The following SPECC1 variants were observed in gnomAD, a reference collection of about 807,000 sequenced individuals.
SPECC1 encodes cytospin-B.
SPECC1 carries 62 observed loss-of-function variants against 104.1 expected under a neutral mutation model. The observed-to-expected ratio is 0.60, with a 90% confidence interval of 0.49 to 0.74. The LOEUF is 0.74. SPECC1 is among the 30% of genes least tolerant of loss of function. SPECC1 has a pLI of 0.00. For synonymous variants in SPECC1, 513 were observed against 501.6 expected (o/e 1.02, Z -0.30); for missense variants, 1,306 against 1,310.5 (o/e 1.00, Z 0.05).
chr17:20,298,970 TGTATGTAGAGAG>T (rs1261218469), intron 13 of SPECC1, among the ~76,000 whole-genome samples: 1,053 of 91,404 alleles, frequency 0.012, 71 homozygotes, highest in African/African-American at 0.043. Flanking sequence ...TGTGTGTGTG[TGTATGTAGAGAG>T]AGAGAGAGAG....
chr17:20,082,457 G>A (rs1235707885), intron 1 of SPECC1, among the ~76,000 whole-genome samples: 3 of 152,196 alleles, frequency 2.0e-5, no homozygotes, highest in African/African-American at 7.2e-5. Context: ...AAATTAGCCA[G>A]GCGTGGTGGT....
intron 1 of SPECC1, among the ~76,000 whole-genome samples, chr17:20,089,561 G>A (rs147761369): frequency 1.7e-3 from 260 of 152,300 alleles, no homozygotes; most frequent in Middle Eastern, 6.8e-3. Context: ...AGGGGGTCGA[G>A]GCTGTAGTGA....
chr17:20,208,166 A>T (rs972844946), intron 4 of SPECC1, among the ~76,000 whole-genome samples: 2 of 152,254 alleles, frequency 1.3e-5, no homozygotes, highest in African/African-American at 4.8e-5. Context: ...TGTATCCTAC[A>T]TCTTACTGCA....
At chr17:20,227,007 C>G (rs1045264700) in intron 4 of SPECC1, among the ~76,000 whole-genome samples, 20 of 110,848 alleles carry the variant, frequency 1.8e-4, no homozygotes, top group African/African-American at 7.0e-4. Flanking sequence ...GCCAGTGCCT[C>G]CCAGGGAAGC....
At chr17:20,166,857 CAACACTTTG>C (rs1240767055) in intron 3 of SPECC1, among the ~76,000 whole-genome samples, 10 of 151,912 alleles carry the variant, frequency 6.6e-5, no homozygotes, top group African/African-American at 2.2e-4. Context: ...TGGCAAATGT[CAACACTTTG>C]GGAGGCTGAG....
At chr17:20,093,424 C>T (rs1426914472) in intron 1 of SPECC1, among the ~76,000 whole-genome samples, 2 of 152,136 alleles carry the variant, frequency 1.3e-5, no homozygotes, top group Non-Finnish European at 2.9e-5. Context: ...ACCCTTACCT[C>T]GTAGGGTTAC....
At chr17:20,225,177 C>T (rs772880562) in intron 4 of SPECC1, among the ~76,000 whole-genome samples, 4 of 152,160 alleles carry the variant, frequency 2.6e-5, no homozygotes, top group Non-Finnish European at 5.9e-5. Context: ...AAGACAAAGT[C>T]CTCTTTACTC....
chr17:20,286,922 G>A (rs1223442021), intron 12 of SPECC1, among the ~76,000 whole-genome samples: 3 of 152,186 alleles, frequency 2.0e-5, no homozygotes, highest in Admixed American at 6.5e-5. Flanking sequence ...GGCCCCCAGG[G>A]CCCAGGCTGC....
At chr17:20,029,863 A>T (rs530391386) in intron 1 of SPECC1, among the ~76,000 whole-genome samples, 1 of 151,822 alleles carries the variant, frequency 6.6e-6, no homozygotes, top group Non-Finnish European at 1.5e-5. Context: ...TTTTGGTTTT[A>T]TTTATTTTTT....
At chr17:20,043,476 C>T (rs1295870836) in intron 1 of SPECC1, among the ~76,000 whole-genome samples, 1 of 152,210 alleles carries the variant, frequency 6.6e-6, no homozygotes, top group African/African-American at 2.4e-5. Context: ...TTATCCAAAG[C>T]CACATCCTTT....
intron 1 of SPECC1, among the ~76,000 whole-genome samples, chr17:20,055,088 T>G (rs533666483): frequency 2.2e-4 from 34 of 152,200 alleles, no homozygotes; most frequent in Non-Finnish European, 4.3e-4. Context: ...TAACTCCTCG[T>G]TTCCCGCCCT....
intron 1 of SPECC1, among the ~76,000 whole-genome samples, chr17:20,021,396 G>T (rs751319710): frequency 6.6e-6 from 1 of 151,914 alleles, no homozygotes; most frequent in East Asian, 1.9e-4. Context: ...GGTGATTCTG[G>T]TCTTAATATC....
intron 12 of SPECC1, among the ~76,000 whole-genome samples, chr17:20,265,239 C>T (rs2040179709): frequency 6.6e-6 from 1 of 152,142 alleles, no homozygotes; most frequent in African/African-American, 2.4e-5. Flanking sequence ...AGTGTATAAG[C>T]ATTTCTTTTT....
intron 4 of SPECC1, among the ~76,000 whole-genome samples, chr17:20,226,242 A>G (rs2038196623): frequency 6.6e-6 from 1 of 152,250 alleles, no homozygotes; most frequent in Non-Finnish European, 1.5e-5. Flanking sequence ...AATACTATGC[A>G]CCAATTAAAG....
chr17:20,264,268 G>C (rs2040135161), intron 12 of SPECC1, among the ~76,000 whole-genome samples: 1 of 151,940 alleles, frequency 6.6e-6, no homozygotes. Context: ...GATTCAGGGG[G>C]TGAGTGGGCA....
intron 3 of SPECC1, among the ~76,000 whole-genome samples, chr17:20,191,264 A>G (rs949239112): frequency 1.8e-4 from 27 of 152,292 alleles, no homozygotes; most frequent in African/African-American, 6.3e-4. Flanking sequence ...TTGCTGGATC[A>G]TAGAGAACAA....
intron 1 of SPECC1, among the ~76,000 whole-genome samples, chr17:20,014,410 T>C (rs932929599): frequency 5.5e-4 from 83 of 152,232 alleles, no homozygotes; most frequent in Admixed American, 1.0e-3. Context: ...ATTTTTCTGA[T>C]TATTTACTCA....
At chr17:20,292,771 C>G (rs2041215601) in intron 12 of SPECC1, among the ~76,000 whole-genome samples, 1 of 152,242 alleles carries the variant, frequency 6.6e-6, no homozygotes, top group African/African-American at 2.4e-5. Context: ...AAGGCATCCT[C>G]AGGCTTTTAC....
chr17:20,245,881 G>A, intron 7 of SPECC1, 45 bp from the exon 8 acceptor site: 1 of 1,604,012 alleles, frequency 6.2e-7, no homozygotes, highest in African/African-American at 1.3e-5. Context: ...TCTCCCATGG[G>A]GATGTCCTCC....
Sources: allele counts gnomAD v4.1 joint callset (sites outside exome capture counted in the v4.1 genomes callset), GRCh38; gene constraint gnomAD v4.1.1; transcripts MANE v1.5; gene names NCBI Gene and HGNC (gene_info 2026-07-23, HGNC 2026-07-21).